Variants in SLC39A14 observed in about 807,000 individuals in gnomAD.
SLC39A14 encodes solute carrier family 39 member 14, also known as metal cation symporter ZIP14.
SLC39A14 carries 19 observed loss-of-function variants against 45.5 expected under a neutral mutation model. The observed-to-expected ratio is 0.42, with a 90% CI of 0.29 to 0.61. SLC39A14 has a LOEUF of 0.61. SLC39A14 is among the 20% of genes least tolerant of loss of function. SLC39A14 has a pLI of 0.22. For synonymous variants in SLC39A14, 264 were observed against 251.3 expected (o/e 1.05, Z -0.48); for missense variants, 447 against 616.5 (o/e 0.73, Z 2.91).
rs777768579 is a variant in SLC39A14 at position 22,404,933 on chromosome 8, C to T, written c.223C>T (p.Arg75Trp). ...CAACCACCTGGATGTGGGAGTGGGC[C>T]GGGGTAATGTCACCCAGCACGTGCA... The part of the protein sequence containing the change: ...LLNHLDVGVG[R>W]GNVTQHVQGH... The change falls in exon 2 of 9, where the codon CGG (arginine) becomes TGG (tryptophan). Residue 75 changes from arginine (R) to tryptophan (W), a missense_variant. Physicochemically the swap from Arg to Trp is moderately radical, Grantham distance 101. This residue lies in a region of SLC39A14 where 342 missense variants were observed against 428.1 expected (regional missense o/e 0.80). Coordinates refer to ENST00000381237, the MANE Select transcript of SLC39A14 (RefSeq NM_001128431.4). 15 of 1,614,006 alleles carry T rather than the reference C, an allele frequency of 9.3e-6. No homozygotes were observed. In the Admixed American group the frequency reaches 1.2e-4, roughly 13 times the overall value.
intron 1 of SLC39A14, chr8:22,393,116 G>A: frequency 1.4e-6 from 1 of 721,190 alleles, no homozygotes; most frequent in Non-Finnish European, 1.7e-6. Flanking sequence ...GGGCTCCGCT[G>A]GCCGCCCTCC....
intron 1 of SLC39A14, chr8:22,398,706 A>C (rs1448621611): frequency 2.0e-6 from 2 of 985,394 alleles, no homozygotes; most frequent in East Asian, 2.3e-4. Flanking sequence ...CTTAGAAAAA[A>C]GTGCAGCATG....
At chr8:22,422,777 GT>G, downstream of SLC39A14, 1 of 893,538 alleles carries the variant, frequency 1.1e-6, no homozygotes, top group Non-Finnish European at 1.3e-6. Context: ...ACAAAGTTTT[GT>G]TTTACCAGGT....
intron 1 of SLC39A14, among the ~76,000 whole-genome samples, chr8:22,388,912 T>C (rs1244405584): frequency 6.6e-6 from 1 of 152,178 alleles, no homozygotes; most frequent in African/African-American, 2.4e-5. Context: ...AGAATGGGGC[T>C]TTTTTATTAA....
At chr8:22,404,548 G>A in intron 1 of SLC39A14, 148 bp from the exon 2 acceptor site, 1 of 660,888 alleles carries the variant, frequency 1.5e-6, no homozygotes, top group Admixed American at 2.7e-5. Flanking sequence ...TCAAAAGAAG[G>A]GTTTTTCTCA....
At chr8:22,423,733 C>T (rs540779524), downstream of SLC39A14, among the ~76,000 whole-genome samples, 216 of 149,896 alleles carry the variant, frequency 1.4e-3, 1 homozygote, top group Non-Finnish European at 1.8e-3. Context: ...TCCCAAAATG[C>T]TGGGATTACA....
At chr8:22,406,090 G>A (rs1287790505) in intron 2 of SLC39A14, among the ~76,000 whole-genome samples, 2 of 152,198 alleles carry the variant, frequency 1.3e-5, no homozygotes, top group East Asian at 1.9e-4. Context: ...GCAGTCATCA[G>A]GGAAGGCTCG....
intron 2 of SLC39A14, among the ~76,000 whole-genome samples, chr8:22,406,616 C>T (rs1284747474): frequency 6.6e-6 from 1 of 152,152 alleles, no homozygotes. Flanking sequence ...TGCTTGAGCC[C>T]AGGAGGCAGA....
chr8:22,433,606 C>T (rs891940664), intron 8 of SLC39A14, among the ~76,000 whole-genome samples: 6 of 142,742 alleles, frequency 4.2e-5, no homozygotes, highest in Admixed American at 2.2e-4. Context: ...TGCAGTGATG[C>T]GATCTTGGCT....
chr8:22,413,673 C>T (rs1040582812), intron 4 of SLC39A14, among the ~76,000 whole-genome samples: 1 of 152,088 alleles, frequency 6.6e-6, no homozygotes, highest in Non-Finnish European at 1.5e-5. Context: ...TTATTCAAGG[C>T]CCGTTTCCCA....
chr8:22,431,570 A>G (rs1054927164), intron 8 of SLC39A14, among the ~76,000 whole-genome samples: 4 of 152,234 alleles, frequency 2.6e-5, no homozygotes, highest in African/African-American at 9.6e-5. Context: ...ATCAAGGTTT[A>G]GGAAGCGCTT....
At chr8:22,376,620 C>A (rs879259793) in intron 1 of SLC39A14, among the ~76,000 whole-genome samples, 4 of 152,034 alleles carry the variant, frequency 2.6e-5, no homozygotes, top group Non-Finnish European at 5.9e-5. Context: ...TGGCTCACAC[C>A]TATAATCCTA....
Position 22,422,691 on chromosome 8 carries a change from C to T in SLC39A14, c.*2993C>T. On this transcript the variant is annotated 3_prime_UTR_variant, in exon 9 of 9. Transcript: ENST00000381237. ...TATTCTGTAATTGTTGAGAATCCCACGGGTGATCATTTGCAATAAATGTGG... is the reference window on the plus strand; with the variant it reads ...TATTCTGTAATTGTTGAGAATCCCATGGGTGATCATTTGCAATAAATGTGG... 9.1e-6 allele frequency: 9 copies of T among 985,022 alleles called. No individual in the cohort carries two copies. Among genetic ancestry groups the T allele is most frequent in the Non-Finnish European group, 1.1e-5 (9 of 829,598 alleles). 61.0% of individuals were successfully genotyped at this position (985,022 alleles called of 1,614,324 possible). A position where few individuals can be genotyped will look rare whatever the true frequency, so the allele number is the denominator to read the frequency against.
At chr8:22,405,310 C>T (rs1262284340) in intron 2 of SLC39A14, among the ~76,000 whole-genome samples, 1 of 152,112 alleles carries the variant, frequency 6.6e-6, no homozygotes, top group African/African-American at 2.4e-5. Flanking sequence ...GTCAGGGGTT[C>T]GAGATCAGCC....
chr8:22,398,545 G>T (rs1320803967), intron 1 of SLC39A14: 1 of 159,530 alleles, frequency 6.3e-6, no homozygotes, highest in East Asian at 1.9e-4. Flanking sequence ...GGGGTGCGGT[G>T]GGGGGTTGTC....
Position 22,420,415 on chromosome 8 carries a change from C to T in SLC39A14, c.*717C>T, listed in dbSNP as rs1261548252. The T allele has an allele frequency of 4.1e-6, 4 of 985,258 alleles. No individual in the cohort carries two copies. The highest frequency in any genetic ancestry group is 1.1e-4 in the East Asian group (1 of 8,826). 61.0% of individuals were successfully genotyped at this position (985,258 alleles called of 1,614,324 possible). On this transcript the variant is annotated 3_prime_UTR_variant, in exon 9 of 9. Transcript: ENST00000381237. ...CGGCTGTCCGAGTGAGCTAACGTGGCGGTGTGGCTGCCTGGACCTCCTCTT... is the reference window on the plus strand; with the variant it reads ...CGGCTGTCCGAGTGAGCTAACGTGGTGGTGTGGCTGCCTGGACCTCCTCTT...
intron 1 of SLC39A14, among the ~76,000 whole-genome samples, chr8:22,389,248 G>C (rs56213835): frequency 0.049 from 7,513 of 152,206 alleles, 419 homozygotes; most frequent in African/African-American, 0.14. Context: ...AGTGCTAAGA[G>C]TTTGCACTTC....
downstream of SLC39A14, among the ~76,000 whole-genome samples, chr8:22,422,944 C>G (rs1047700362): frequency 6.7e-6 from 1 of 150,354 alleles, no homozygotes; most frequent in Non-Finnish European, 1.5e-5. Context: ...CTGCCTCAGC[C>G]TCCCGAGTAG....
downstream of SLC39A14, among the ~76,000 whole-genome samples, chr8:22,423,504 T>A (rs1836324272): frequency 6.6e-6 from 1 of 151,954 alleles, no homozygotes; most frequent in South Asian, 2.1e-4. Flanking sequence ...CCCAGCTAAT[T>A]TTTTGTATTT....
Sources: gnomAD v4.1 joint callset for allele counts (sites outside exome capture counted in the v4.1 genomes callset) on GRCh38, gnomAD v4.1.1 for gene constraint, gnomAD v4.1.1 regional missense constraint, MANE v1.5 for transcripts, NCBI Gene and HGNC (gene_info 2026-07-23, HGNC 2026-07-21) for gene names.